VPS8: variants seen among roughly 807,000 people sequenced by gnomAD.
VPS8 encodes the protein VPS8 subunit of CORVET complex, also known as vacuolar protein sorting-associated protein 8 homolog.
VPS8 carries 129 observed loss-of-function variants against 216.4 expected under a neutral mutation model. That is an observed-to-expected ratio of 0.60 (90% confidence interval 0.52 to 0.69). The LOEUF (loss-of-function observed/expected upper bound fraction) is 0.69. Among genes scored for constraint, VPS8 ranks in the 30% least tolerant of loss-of-function variants. The probability of loss-of-function intolerance (pLI) is 0.00; values close to 1 mark genes in which losing one functional copy is unlikely to be tolerated. For synonymous variants in VPS8, 571 were observed against 565.4 expected, an observed-to-expected ratio of 1.01 and a Z score of -0.14; for missense variants, 1,531 against 1,683.5, an observed-to-expected ratio of 0.91 and a Z score of 1.59.
intron 23 of VPS8, among the ~76,000 whole-genome samples, chr3:184,895,684 G>T (rs1342411068): frequency 3.8e-5 from 4 of 105,736 alleles, no homozygotes; most frequent in Non-Finnish European, 7.5e-5. Context: ...CTGTCCCCCA[G>T]GCTGGAGTAC....
intron 1 of VPS8, chr3:184,813,697 C>T (rs1715684792): frequency 6.6e-6 from 1 of 152,166 alleles, no homozygotes; most frequent in African/African-American, 2.4e-5. Flanking sequence ...AATATATTTG[C>T]TTCGTATCTG....
intron 46 of VPS8, among the ~76,000 whole-genome samples, chr3:185,026,908 A>C (rs1757449258): frequency 6.7e-6 from 1 of 150,000 alleles, no homozygotes; most frequent in Non-Finnish European, 1.5e-5. Flanking sequence ...ACAGGATTTC[A>C]CCATGTTGGC....
intron 36 of VPS8, chr3:184,944,518 G>A (rs1236595246): frequency 2.0e-6 from 2 of 985,308 alleles, no homozygotes; most frequent in Non-Finnish European, 2.4e-6. Context: ...CAGTGGGGAT[G>A]CTTAAAGGAT....
chr3:184,926,490 G>A (rs1739675310), intron 30 of VPS8, 104 bp from the exon 31 acceptor site: 1 of 1,139,346 alleles, frequency 8.8e-7, no homozygotes, highest in South Asian at 1.5e-5. Flanking sequence ...TTATGTCTGG[G>A]TGTGAATGAG....
At chr3:184,881,361 G>A (rs1434250492) in intron 21 of VPS8, among the ~76,000 whole-genome samples, 1 of 152,060 alleles carries the variant, frequency 6.6e-6, no homozygotes, top group East Asian at 1.9e-4. Flanking sequence ...TTGTGTGTGT[G>A]TATAGATACC....
At chr3:184,843,683 T>C (rs1372763889) in intron 8 of VPS8, among the ~76,000 whole-genome samples, 1 of 152,204 alleles carries the variant, frequency 6.6e-6, no homozygotes, top group Non-Finnish European at 1.5e-5. Flanking sequence ...AACAAAACTT[T>C]CAGTCTTTTC....
intron 2 of VPS8, chr3:184,825,190 A>T: frequency 5.1e-6 from 1 of 194,674 alleles, no homozygotes; most frequent in Non-Finnish European, 1.1e-5. Context: ...AGATAACATT[A>T]CTCTTCATTT....
chr3:184,962,724 A>AGTGTGT lies in VPS8; in HGVS notation c.3184-1707_3184-1702dup, dbSNP rs10562348. Among the ~76,000 whole-genome samples the AGTGTGT allele has an allele frequency of 4.3e-3, 634 of 145,874 alleles. 7 individuals are homozygous for AGTGTGT. Among genetic ancestry groups the AGTGTGT allele is most frequent in the African/African-American group, 0.016 (604 of 38,818 alleles). On this transcript the variant is annotated intron_variant, in intron 37 of 47. Transcript: ENST00000625842. ...TTAGTTTACCATTCTTTAAGGCTTA[A>AGTGTGT]GTGTGTGTGTGTGTGTGTGTGTGTG...
intron 35 of VPS8, among the ~76,000 whole-genome samples, chr3:184,936,877 A>G (rs1741747828): frequency 6.6e-6 from 1 of 151,820 alleles, no homozygotes; most frequent in Non-Finnish European, 1.5e-5. Flanking sequence ...AGCTGGGACT[A>G]CAGATGCCTG....
At chr3:184,980,760 A>G (rs1012545769) in intron 40 of VPS8, among the ~76,000 whole-genome samples, 1 of 152,178 alleles carries the variant, frequency 6.6e-6, no homozygotes, top group Non-Finnish European at 1.5e-5. Context: ...TTTGGATTCA[A>G]CTTTCTCCAG....
In VPS8 at chr3:184,849,145, A is replaced by G. The variant is rs892814695; in HGVS notation, c.616A>G (p.Ser206Gly). ...GGQYGAISAL[S>G]INNDCSRLLC... ...TCAGTATGGCGCTATCTCTGCCCTC[A>G]GTATCAACAATGATTGCTCAAGACT... The change falls in exon 9 of 48, where the codon AGT (serine) becomes GGT (glycine). Residue 206 changes from serine to glycine, a missense_variant. Around this residue, in one of 3 missense-constraint regions of VPS8, gnomAD observed 1,318 missense variants for 1,468.4 expected, o/e 0.90. Transcript: ENST00000625842. The G allele has an allele frequency of 1.9e-6, 3 of 1,613,694 alleles. No individual in the cohort carries two copies. The highest frequency in any genetic ancestry group is 1.3e-5 in the African/African-American group (1 of 75,040).
chr3:184,970,786 G>A (rs1748274845), intron 39 of VPS8, among the ~76,000 whole-genome samples: 1 of 152,208 alleles, frequency 6.6e-6, no homozygotes, highest in Non-Finnish European at 1.5e-5. Context: ...CAGTATATAA[G>A]AGGATGAGGG....
chr3:184,868,879 G>C (rs572130162), intron 18 of VPS8, 67 bp from the exon 19 acceptor site: 1 of 1,410,214 alleles, frequency 7.1e-7, no homozygotes, highest in Non-Finnish European at 9.7e-7. Context: ...ATTTTAGGTG[G>C]AATAGGAATT....
intron 10 of VPS8, among the ~76,000 whole-genome samples, chr3:184,852,297 G>GT (rs1405219180): frequency 1.3e-5 from 2 of 151,944 alleles, no homozygotes; most frequent in African/African-American, 4.8e-5. Flanking sequence ...GAAAGCCTCT[G>GT]TTTTTTTAAA....
rs111875385 is a variant in VPS8 at position 185,018,729 on chromosome 3, C to T, written c.4003-5607C>T. Reference sequence around the variant, plus strand: ...ATTCTTTGAGTAATTTAAAAGGAAACGGCTCAAATGTAGCTATAATATTTC... The same window carrying T: ...ATTCTTTGAGTAATTTAAAAGGAAATGGCTCAAATGTAGCTATAATATTTC... On this transcript the variant is annotated intron_variant, in intron 45 of 47. Transcript: ENST00000625842. 3.2e-3 allele frequency among the ~76,000 whole-genome samples: 486 copies of T among 152,252 alleles called. 2 individuals are homozygous for T. The highest frequency in any genetic ancestry group is 0.011 in the African/African-American group (449 of 41,534).
intron 46 of VPS8, among the ~76,000 whole-genome samples, chr3:185,029,117 T>C (rs1418211635): frequency 1.3e-5 from 2 of 152,248 alleles, no homozygotes; most frequent in African/African-American, 4.8e-5. Flanking sequence ...CACCTAATTA[T>C]TACTTCCTTA....
intron 42 of VPS8, among the ~76,000 whole-genome samples, chr3:184,989,217 C>T (rs1182542282): frequency 4.6e-5 from 7 of 152,174 alleles, no homozygotes; most frequent in Non-Finnish European, 4.4e-5. Flanking sequence ...CAGTTTCTCA[C>T]CATTAAGTAT....
chr3:184,825,327 C>T (rs1187292543), intron 2 of VPS8, among the ~76,000 whole-genome samples: 1 of 152,158 alleles, frequency 6.6e-6, no homozygotes, highest in Admixed American at 6.5e-5. Context: ...TAAATGACTT[C>T]TCAAAGTCAC....
chr3:184,888,259 A>T (rs1455394549), intron 22 of VPS8, among the ~76,000 whole-genome samples: 1 of 152,136 alleles, frequency 6.6e-6, no homozygotes, highest in Non-Finnish European at 1.5e-5. Context: ...GAGTGCTGGG[A>T]TTACAGGCAT....
Sources: allele counts gnomAD v4.1 joint callset (sites outside exome capture counted in the v4.1 genomes callset), GRCh38; gene constraint gnomAD v4.1.1; regional missense constraint gnomAD v4.1.1; transcripts MANE v1.5; gene names NCBI Gene and HGNC (gene_info 2026-07-23, HGNC 2026-07-21).